Variants in UBE3A observed in about 807,000 individuals in gnomAD.
UBE3A encodes the protein ubiquitin protein ligase E3A.
Under a neutral mutation model 83.4 loss-of-function variants are expected in UBE3A, and 6 were observed. The ratio of observed to expected loss-of-function variants is 0.07; its 90% CI spans 0.04 to 0.14. The LOEUF (loss-of-function observed/expected upper bound fraction) is 0.14, where lower values mean the gene tolerates loss of function less well. UBE3A is among the 10% of genes least tolerant of loss of function. The pLI is 1.00. For synonymous variants in UBE3A, 337 were observed against 355.4 expected (o/e 0.95, Z 0.58); for missense variants, 456 against 1,036.1 (o/e 0.44, Z 7.69).
chr15:25,400,638 C>T (rs1302059079), intron 4 of UBE3A, among the ~76,000 whole-genome samples: 8 of 152,110 alleles, frequency 5.3e-5, no homozygotes, highest in East Asian at 1.9e-4. Context: ...AGAAATTCTA[C>T]GGATTTTTGT....
At chr15:25,429,185 T>C (rs755138388) in intron 1 of UBE3A, among the ~76,000 whole-genome samples, 1 of 152,210 alleles carries the variant, frequency 6.6e-6, no homozygotes, top group Non-Finnish European at 1.5e-5. Flanking sequence ...TGTACACATG[T>C]ATAGTAAAAG....
intron 1 of UBE3A, chr15:25,420,737 A>G (rs1301273356): frequency 1.3e-5 from 2 of 152,202 alleles, no homozygotes; most frequent in Non-Finnish European, 2.9e-5. Flanking sequence ...CACTGTGGAA[A>G]ACAGTATGGC....
chr15:25,371,933 C>G lies in UBE3A; in HGVS notation c.362-121G>C. ...TAGGCTCAATATCATTTATGATATA[C>G]AACTCTTAAAGTATCTAATACTTAG... is the stretch of plus-strand genomic sequence containing the variant. On this transcript the variant is annotated intron_variant, in intron 5 of 12. Coordinates refer to ENST00000648336, the MANE Select transcript of UBE3A (RefSeq NM_130839.5). The surrounding 1 kb of genome is among the most constrained non-coding windows in gnomAD (Gnocchi z 5.3). 2.0e-6 allele frequency: 2 copies of G among 999,756 alleles called. No homozygotes were observed. The highest frequency in any genetic ancestry group is 2.9e-6 in the Non-Finnish European group (2 of 697,324). The allele number at this position is 999,756 out of a possible 1,614,324, so 61.9% of individuals were successfully genotyped here. A position where few individuals can be genotyped will look rare whatever the true frequency, so the allele number is the denominator to read the frequency against.
At position 25,339,078 on chromosome 15, in the gene UBE3A, T is replaced by A. The variant is rs908858892; in HGVS notation, c.*59A>T. On this transcript the variant is annotated 3_prime_UTR_variant, in exon 13 of 13. Coordinates refer to ENST00000648336, the MANE Select transcript of UBE3A (RefSeq NM_130839.5). ...ATCCCTCGTTATATTTTTAAAATTT[T>A]TTAAATTTTTTCTTTTTTTTTCCTT... 30 of 1,471,066 alleles carry A rather than the reference T, an allele frequency of 2.0e-5. No homozygotes were observed. The highest frequency in any genetic ancestry group is 2.7e-5 in the Non-Finnish European group (30 of 1,115,782). 91.1% of individuals were successfully genotyped at this position (1,471,066 alleles called of 1,614,324 possible). A position where few individuals can be genotyped will look rare whatever the true frequency, so the allele number is the denominator to read the frequency against.
chr15:25,340,728 C>A (rs1319799289), intron 11 of UBE3A, among the ~76,000 whole-genome samples: 1 of 151,478 alleles, frequency 6.6e-6, no homozygotes, highest in Non-Finnish European at 1.5e-5. Context: ...GAAAAAAAGA[C>A]CCCCTGCCCC....
intron 4 of UBE3A, among the ~76,000 whole-genome samples, chr15:25,382,145 C>T (rs1348061522): frequency 1.3e-5 from 2 of 151,944 alleles, no homozygotes; most frequent in East Asian, 1.9e-4. Context: ...GGTGAAACTA[C>T]GTCCCTACTA....
intron 11 of UBE3A, among the ~76,000 whole-genome samples, chr15:25,341,606 T>C (rs963748708): frequency 6.6e-6 from 1 of 150,914 alleles, no homozygotes; most frequent in Non-Finnish European, 1.5e-5. Flanking sequence ...TCTACTAAAA[T>C]ACAAAAATTA....
At chr15:25,428,751 C>A (rs774279022) in intron 1 of UBE3A, among the ~76,000 whole-genome samples, 2 of 152,092 alleles carry the variant, frequency 1.3e-5, no homozygotes, top group African/African-American at 4.8e-5. Context: ...TAAAATCTGA[C>A]AATCCCAAGT....
Position 25,353,757 on chromosome 15 carries a change from A to C in UBE3A, c.2354+596T>G, listed in dbSNP as rs561430327. 4.6e-5 allele frequency among the ~76,000 whole-genome samples: 7 copies of C among 152,284 alleles called. No homozygotes were observed. The South Asian group carries it at 8.3e-4, about 18-fold the overall frequency. ...AACCAGTCTTAGCAGGGGATGGGGA[A>C]GCCTATGTCTTTCAGAATTGGATGA... On this transcript the variant is annotated intron_variant, in intron 11 of 12. Transcript: ENST00000648336.
chr15:25,438,175 A>G (rs1307577166), intron 1 of UBE3A: 1 of 152,216 alleles, frequency 6.6e-6, no homozygotes, highest in Non-Finnish European at 1.5e-5. Flanking sequence ...TGGCTCGAAG[A>G]GCCTGGCTCC....
rs1411475490 is a variant in UBE3A, at chr15:25,334,399, T to TA, written c.*4737dup. 6.6e-6 allele frequency: 1 copy of TA among 151,926 alleles called. No individual in the cohort carries two copies. The highest frequency in any genetic ancestry group is 1.5e-5 in the Non-Finnish European group (1 of 67,972). The allele number at this position is 151,926 out of a possible 1,614,324, so 9.4% of individuals were successfully genotyped here. On this transcript the variant is annotated 3_prime_UTR_variant, in exon 13 of 13. Coordinates refer to ENST00000648336, the MANE Select transcript of UBE3A (RefSeq NM_130839.5). The stretch of plus-strand genomic sequence containing the variant: ...TGAAATCTCTAAAACATCACTGAAA[T>TA]AAAGACCTAAGCAAATGCAAAGACA...
chr15:25,388,029 A>C (rs1180588468), intron 4 of UBE3A, among the ~76,000 whole-genome samples: 2 of 152,324 alleles, frequency 1.3e-5, no homozygotes, highest in African/African-American at 2.4e-5. Context: ...AATTCTACTA[A>C]ACATTTAAGG....
chr15:25,424,485 T>TCCTAAAAATCCTAAAATCCTAAAAAAATC (rs1229639111), intron 1 of UBE3A, among the ~76,000 whole-genome samples: 1 of 152,164 alleles, frequency 6.6e-6, no homozygotes, highest in African/African-American at 2.4e-5. Flanking sequence ...ATCTTTATGA[T>TCCTAAAAATCCTAAAATCCTAAAAAAATC]CTCTTTTTAG....
chr15:25,354,282 T>C, intron 11 of UBE3A, 71 bp downstream of exon 11: 1 of 1,402,866 alleles, frequency 7.1e-7, no homozygotes. Context: ...TACCTAGAGA[T>C]AAAGGTCTGA....
chr15:25,435,768 T>A (rs1894876248), intron 1 of UBE3A, among the ~76,000 whole-genome samples: 1 of 152,190 alleles, frequency 6.6e-6, no homozygotes, highest in Non-Finnish European at 1.5e-5. Context: ...CAGAACAGAC[T>A]AAGACATCTA....
upstream of UBE3A, chr15:25,439,027 C>G (rs1896028382): frequency 1.3e-5 from 2 of 151,960 alleles, no homozygotes; most frequent in South Asian, 4.2e-4. Context: ...GGAGGACTGG[C>G]TGGGCGGGCC....
chr15:25,394,336 G>A (rs1019111291), intron 4 of UBE3A, among the ~76,000 whole-genome samples: 1 of 152,078 alleles, frequency 6.6e-6, no homozygotes, highest in Non-Finnish European at 1.5e-5. Context: ...ACCTTGAAGG[G>A]AAATAGATGT....
chr15:25,345,749 GAATTTAAAA>G (rs2075585280), intron 11 of UBE3A: 1 of 151,494 alleles, frequency 6.6e-6, no homozygotes, highest in Admixed American at 6.6e-5. Context: ...GAGCTAAAAA[GAATTTAAAA>G]AATAACAAAT....
At chr15:25,353,682 G>A (rs1398883469) in intron 11 of UBE3A, among the ~76,000 whole-genome samples, 1 of 152,166 alleles carries the variant, frequency 6.6e-6, no homozygotes, top group Non-Finnish European at 1.5e-5. Flanking sequence ...TTCCAGGAAG[G>A]TACGTGTTTG....
Sources: allele counts gnomAD v4.1 joint callset (sites outside exome capture counted in the v4.1 genomes callset), GRCh38; gene constraint gnomAD v4.1.1; non-coding constraint Gnocchi (gnomAD v3.1); transcripts MANE v1.5; gene names NCBI Gene and HGNC (gene_info 2026-07-23, HGNC 2026-07-21).